Variants in LARP1B observed in about 807,000 individuals in gnomAD.
LARP1B encodes the protein La ribonucleoprotein 1B.
In LARP1B, 76 loss-of-function variants were observed where a neutral mutation model predicts 114.2. The observed-to-expected ratio is 0.67, with a 90% confidence interval of 0.55 to 0.81. LARP1B has a LOEUF of 0.81. Ranked by LOEUF, LARP1B falls within the 30% of genes least tolerant of loss-of-function variation. The pLI is 0.00. For missense variants in LARP1B, 1,014 were observed against 1,075.8 expected (o/e 0.94, Z 0.80); for synonymous variants, 345 against 348.0 (o/e 0.99, Z 0.10).
intron 11 of LARP1B, chr4:128,122,532 A>G (rs1302172281): frequency 6.5e-6 from 10 of 1,527,448 alleles, no homozygotes; most frequent in South Asian, 2.4e-5. Context: ...AAAACAAGTT[A>G]CTGTGGACAG....
intron 11 of LARP1B, chr4:128,123,206 G>A (rs1163076105): frequency 8.1e-6 from 8 of 985,250 alleles, no homozygotes; most frequent in African/African-American, 1.7e-5. Context: ...TGTAACCACT[G>A]CCTTCTTGGA....
chr4:128,147,310 C>A (rs1442890618), intron 11 of LARP1B, among the ~76,000 whole-genome samples: 1 of 152,174 alleles, frequency 6.6e-6, no homozygotes, highest in Non-Finnish European at 1.5e-5. Flanking sequence ...GTGACAGAGT[C>A]TTTCCCTTTT....
Position 128,082,231 on chromosome 4 carries a change from G to GAT in LARP1B, c.285_286dup (p.Ser96TyrfsTer43), listed in dbSNP as rs1229543276. 1.9e-6 allele frequency: 3 copies of GAT among 1,613,208 alleles called. No individual in the cohort carries two copies. On this transcript the variant is annotated frameshift_variant, in exon 5 of 20. Transcript: ENST00000326639. LOFTEE classifies it high-confidence loss of function. ...AGATCAGAGAGTCAAGAAAGACCTG[G>GAT]ATCCCGGAACAGCTCAAGATGTCAA...
chr4:128,081,545 A>T (rs1253794743), intron 4 of LARP1B, among the ~76,000 whole-genome samples: 1 of 151,976 alleles, frequency 6.6e-6, no homozygotes, highest in African/African-American at 2.4e-5. Context: ...TAAGGAGTTC[A>T]GTTGTGTGTT....
intron 8 of LARP1B, among the ~76,000 whole-genome samples, chr4:128,100,817 G>GT (rs1248692515): frequency 7.9e-6 from 1 of 126,564 alleles, no homozygotes; most frequent in Non-Finnish European, 1.7e-5. Flanking sequence ...TTTTTTTTTT[G>GT]TTTTTTGTTT....
rs1414310211 is a variant in LARP1B, at chr4:128,178,488, C to A, written c.1742C>A (p.Ala581Glu). 1 of 1,613,876 alleles carries A rather than the reference C, an allele frequency of 6.2e-7. No homozygotes were observed. The highest frequency in any genetic ancestry group is 1.3e-5 in the African/African-American group (1 of 74,904). Residue 581 changes from alanine (A) to glutamate (E), a missense_variant, in exon 14 of 20, where the codon GCA (alanine) becomes GAA (glutamate). By Grantham distance (107) the Ala-to-Glu change is moderately radical. Coordinates refer to ENST00000326639, the MANE Select transcript of LARP1B (RefSeq NM_018078.4). The part of the protein sequence containing the change: ...LFDVSEITSA[A>E]MVHSLPTAVP... ...GATGTTTCAGAAATAACTTCAGCAGCAATGGTTCATTCGTTGCCTACAGCA... is the reference window on the plus strand; with the variant it reads ...GATGTTTCAGAAATAACTTCAGCAGAAATGGTTCATTCGTTGCCTACAGCA...
chr4:128,061,568 A>G, intron 1 of LARP1B, 167 bp downstream of exon 1: 1 of 518,584 alleles, frequency 1.9e-6, no homozygotes, highest in Non-Finnish European at 2.5e-6. Flanking sequence ...AGCGGCGGCC[A>G]CGGCCGCCGG....
chr4:128,083,944 ACGGGGCGG>A (rs1772096483), intron 5 of LARP1B, among the ~76,000 whole-genome samples: 1 of 149,222 alleles, frequency 6.7e-6, no homozygotes, highest in African/African-American at 2.5e-5. Context: ...CACTTCTCAG[ACGGGGCGG>A]TTGCTGGGCG....
intron 5 of LARP1B, among the ~76,000 whole-genome samples, chr4:128,084,923 G>A (rs1468349375): frequency 6.0e-5 from 9 of 151,152 alleles, no homozygotes; most frequent in Admixed American, 4.0e-4. Flanking sequence ...GTGCAGTGGC[G>A]TGTGATCTGG....
chr4:128,180,664 T>C (rs1192171462), intron 15 of LARP1B, among the ~76,000 whole-genome samples: 1 of 152,204 alleles, frequency 6.6e-6, no homozygotes, highest in African/African-American at 2.4e-5. Flanking sequence ...ATGAAGGACA[T>C]CTTGTCTTTG....
chr4:128,209,465 A>G (rs113858308), intron 19 of LARP1B, among the ~76,000 whole-genome samples: 24 of 152,314 alleles, frequency 1.6e-4, no homozygotes, highest in African/African-American at 5.3e-4. Context: ...CACTCGGGCT[A>G]CAGAGTGAGA....
At chr4:128,214,037 G>T (rs961947525), downstream of LARP1B, among the ~76,000 whole-genome samples, 1 of 150,614 alleles carries the variant, frequency 6.6e-6, no homozygotes, top group Non-Finnish European at 1.5e-5. Flanking sequence ...AAAGAAAGGG[G>T]TGACGGACGC....
Position 128,200,615 on chromosome 4 carries a change from G to A in LARP1B, c.2259G>A (p.Met753Ile), listed in dbSNP as rs746456546. 1.3e-5 allele frequency: 20 copies of A among 1,590,598 alleles called. No individual in the cohort carries two copies. The South Asian group carries it at 2.0e-4, about 16-fold the overall frequency. Residue 753 changes from methionine to isoleucine, a missense_variant, in exon 17 of 20, where the codon ATG becomes ATA. Coordinates refer to ENST00000326639, the MANE Select transcript of LARP1B (RefSeq NM_018078.4). ...TCAGAGATCACTTCAATAAAAAAATGTATGAGGAATTTAGACAACTTGCTT... is the reference window on the plus strand; with the variant it reads ...TCAGAGATCACTTCAATAAAAAAATATATGAGGAATTTAGACAACTTGCTT... ...FFLRDHFNKKMYEEFRQLAWE... is the reference protein window; with the variant it reads ...FFLRDHFNKKIYEEFRQLAWE...
At chr4:128,151,255 TC>T (rs1732664311) in intron 11 of LARP1B, among the ~76,000 whole-genome samples, 1 of 152,118 alleles carries the variant, frequency 6.6e-6, no homozygotes, top group South Asian at 2.1e-4. Flanking sequence ...TCAGCAAGTA[TC>T]TCCTAAAAAC....
intron 12 of LARP1B, among the ~76,000 whole-genome samples, chr4:128,175,006 T>TAA (rs1447863643): frequency 6.6e-6 from 1 of 152,154 alleles, no homozygotes; most frequent in Non-Finnish European, 1.5e-5. Flanking sequence ...ATAACACCGT[T>TAA]AAGTTAATCT....
intron 11 of LARP1B, among the ~76,000 whole-genome samples, chr4:128,132,802 G>A (rs1791995241): frequency 6.6e-6 from 1 of 151,908 alleles, no homozygotes; most frequent in South Asian, 2.1e-4. Context: ...CATTTATTGT[G>A]CACTTTATTT....
intron 14 of LARP1B, among the ~76,000 whole-genome samples, chr4:128,179,078 G>A (rs1182189130): frequency 6.6e-6 from 1 of 152,132 alleles, no homozygotes; most frequent in Non-Finnish European, 1.5e-5. Context: ...TGGCAACAGA[G>A]TAAGACCCCA....
downstream of LARP1B, among the ~76,000 whole-genome samples, chr4:128,214,585 G>C (rs1219091442): frequency 2.0e-5 from 3 of 149,520 alleles, no homozygotes; most frequent in Non-Finnish European, 4.5e-5. Flanking sequence ...TGAGGGTCCT[G>C]TCTGTTAGAA....
chr4:128,182,258 T>G (rs1189879079), intron 15 of LARP1B, among the ~76,000 whole-genome samples: 1 of 151,904 alleles, frequency 6.6e-6, no homozygotes, highest in Non-Finnish European at 1.5e-5. Flanking sequence ...GAACTACAGT[T>G]GCATGCCACC....
Sources: allele counts gnomAD v4.1 joint callset (sites outside exome capture counted in the v4.1 genomes callset), GRCh38; gene constraint gnomAD v4.1.1; transcripts MANE v1.5; gene names NCBI Gene and HGNC (gene_info 2026-07-23, HGNC 2026-07-21).